The following MPHOSPH9 variants were observed in gnomAD, a reference collection of about 807,000 sequenced individuals.
MPHOSPH9 encodes M-phase phosphoprotein 9.
In MPHOSPH9, 88 loss-of-function variants were observed where a neutral mutation model predicts 145.5. The observed-to-expected ratio is 0.60, with a 90% confidence interval of 0.51 to 0.72. MPHOSPH9 has a LOEUF of 0.72. Ranked by LOEUF, MPHOSPH9 falls within the 30% of genes least tolerant of loss-of-function variation. The pLI is 0.00. For synonymous variants in MPHOSPH9, 435 were observed against 486.2 expected (o/e 0.89, Z 1.39); for missense variants, 1,238 against 1,386.6 (o/e 0.89, Z 1.70).
intron 13 of MPHOSPH9, among the ~76,000 whole-genome samples, chr12:123,187,254 CTG>C (rs1412772924): frequency 6.6e-6 from 1 of 151,688 alleles, no homozygotes; most frequent in Non-Finnish European, 1.5e-5. Context: ...AAGCGAAACT[CTG>C]TCTCAAAAAA....
At chr12:123,184,928 C>T (rs1013173419) in intron 13 of MPHOSPH9, among the ~76,000 whole-genome samples, 7 of 152,014 alleles carry the variant, frequency 4.6e-5, no homozygotes, top group Non-Finnish European at 1.0e-4. Context: ...TTCTGCCTCC[C>T]GAGTAGCTGG....
At chr12:123,193,131 AC>A (rs2045785740) in intron 13 of MPHOSPH9, among the ~76,000 whole-genome samples, 1 of 148,852 alleles carries the variant, frequency 6.7e-6, no homozygotes, top group South Asian at 2.1e-4. Context: ...ACACACACAC[AC>A]ACACACACAC....
At chr12:123,205,766 C>G (rs1432203376) in intron 8 of MPHOSPH9, among the ~76,000 whole-genome samples, 1 of 152,100 alleles carries the variant, frequency 6.6e-6, no homozygotes, top group Non-Finnish European at 1.5e-5. Flanking sequence ...ATGTTCTTGT[C>G]ATGTTAACAT....
At position 123,156,802 on chromosome 12, in the gene MPHOSPH9, A is replaced by G; in HGVS notation, c.*5T>C. Reference sequence around the variant, plus strand: ...AAATGTCTCAAAATTTAATGGCTACAAATCTCAAAGATTTGCAGAGGTGCG... The same window carrying G: ...AAATGTCTCAAAATTTAATGGCTACGAATCTCAAAGATTTGCAGAGGTGCG... On this transcript the variant is annotated 3_prime_UTR_variant, in exon 24 of 24. Transcript: ENST00000606320. 2 of 1,608,740 alleles carry G rather than the reference A, an allele frequency of 1.2e-6. No individual in the cohort carries two copies. Among genetic ancestry groups the G allele is most frequent in the Non-Finnish European group, 8.5e-7 (1 of 1,176,378 alleles).
intron 8 of MPHOSPH9, among the ~76,000 whole-genome samples, chr12:123,206,147 C>T (rs910523944): frequency 6.6e-6 from 1 of 151,946 alleles, no homozygotes; most frequent in Non-Finnish European, 1.5e-5. Context: ...AAACTAACAC[C>T]AAGGTGAAGA....
chr12:123,203,858 A>G (rs530438113), intron 8 of MPHOSPH9, among the ~76,000 whole-genome samples: 5 of 149,900 alleles, frequency 3.3e-5, no homozygotes, highest in Non-Finnish European at 5.9e-5. Context: ...TAATTTTTCT[A>G]TTTTTTTTTG....
chr12:123,174,401 C>G (rs1451924048), intron 16 of MPHOSPH9, among the ~76,000 whole-genome samples: 2 of 145,430 alleles, frequency 1.4e-5, no homozygotes, highest in Non-Finnish European at 3.0e-5. Flanking sequence ...GAGACGGAGT[C>G]TTGCTCAGTT....
intron 13 of MPHOSPH9, among the ~76,000 whole-genome samples, chr12:123,181,860 G>A (rs1179461683): frequency 6.6e-6 from 1 of 151,512 alleles, no homozygotes; most frequent in Non-Finnish European, 1.5e-5. Flanking sequence ...ACTCTAGCCT[G>A]GGCCACAGAG....
At chr12:123,195,183 T>C (rs1453355370) in intron 12 of MPHOSPH9, among the ~76,000 whole-genome samples, 1 of 152,160 alleles carries the variant, frequency 6.6e-6, no homozygotes, top group Non-Finnish European at 1.5e-5. Context: ...AAGGAAAAAA[T>C]AACCACTGCT....
Position 123,202,600 on chromosome 12 carries a change from C to T in MPHOSPH9, c.1781+24G>A, listed in dbSNP as rs553266330. On this transcript the variant is annotated intron_variant, in intron 10 of 23. Coordinates refer to ENST00000606320, the MANE Select transcript of MPHOSPH9 (RefSeq NM_022782.4). ...TATCACAGAAAATCTATTAACATTA[C>T]AAGCCATTCACTGAAATACATACTT... 8.2e-6 allele frequency: 13 copies of T among 1,577,394 alleles called. No homozygotes were observed. In the African/African-American group the frequency reaches 1.2e-4, roughly 15 times the overall value.
intron 14 of MPHOSPH9, among the ~76,000 whole-genome samples, chr12:123,180,907 CTT>C (rs1178593290): frequency 6.6e-6 from 1 of 152,192 alleles, no homozygotes; most frequent in Non-Finnish European, 1.5e-5. Context: ...ACCTTATACT[CTT>C]TTGAACAATT....
intron 8 of MPHOSPH9, among the ~76,000 whole-genome samples, chr12:123,209,067 G>A (rs1593196072): frequency 6.6e-6 from 1 of 152,118 alleles, no homozygotes; most frequent in East Asian, 1.9e-4. Flanking sequence ...TGAGCAGCTG[G>A]GATTACAAGT....
chr12:123,175,375 G>T (rs913310342), intron 16 of MPHOSPH9, among the ~76,000 whole-genome samples: 1 of 151,904 alleles, frequency 6.6e-6, no homozygotes, highest in Admixed American at 6.6e-5. Context: ...GGATGGTCTC[G>T]ATCTCCTGAC....
Position 123,210,906 on chromosome 12 carries a change from C to T in MPHOSPH9, c.1088-744G>A, listed in dbSNP as rs536613660. Among the ~76,000 whole-genome samples the T allele has an allele frequency of 4.0e-5, 6 of 150,914 alleles. No individual in the cohort carries two copies. In the East Asian group the frequency reaches 1.2e-3, roughly 30 times the overall value. On this transcript the variant is annotated intron_variant, in intron 7 of 23. Coordinates refer to ENST00000606320, the MANE Select transcript of MPHOSPH9 (RefSeq NM_022782.4). ...CTCCCGAGTTCAAGCAATTCTCCTGCCTCAGCCTCCTGAGTAGCTGGAATT... is the reference window on the plus strand; with the variant it reads ...CTCCCGAGTTCAAGCAATTCTCCTGTCTCAGCCTCCTGAGTAGCTGGAATT...
chr12:123,209,739 T>TC (rs1215402663), intron 8 of MPHOSPH9, among the ~76,000 whole-genome samples: 1 of 143,296 alleles, frequency 7.0e-6, no homozygotes, highest in East Asian at 2.0e-4. Context: ...GTTTTGTTGT[T>TC]TTTTTTTTTT....
rs1317813325 is a variant in MPHOSPH9, at chr12:123,241,136, GGGTT to G, written c.-159+2713_-159+2716del. Among the ~76,000 whole-genome samples the G allele has an allele frequency of 2.9e-4, 43 of 149,528 alleles. 1 individual carries two copies. In the South Asian group the frequency reaches 3.1e-3, roughly 11 times the overall value. ...CCTCCTACATCTAGGCTTTTATTTGGGGTTGTTTTTTTTTTGTTTTTGTTTTTTT... is the reference window on the plus strand; with the variant it reads ...CCTCCTACATCTAGGCTTTTATTTGGGTTTTTTTTTTGTTTTTGTTTTTTT... On this transcript the variant is annotated intron_variant, in intron 1 of 2. Transcript: ENST00000545406.
Position 123,181,678 on chromosome 12 carries a change from C to T in MPHOSPH9, c.2242-468G>A, listed in dbSNP as rs1294576630. On this transcript the variant is annotated intron_variant, in intron 13 of 23. Coordinates refer to ENST00000606320, the MANE Select transcript of MPHOSPH9 (RefSeq NM_022782.4). ...CTCAAGAGTTCAAGGCTACAGTGTG[C>T]TATGATCGTGCCACTGTACTCTAAC... is the stretch of plus-strand genomic sequence containing the variant. Among the ~76,000 whole-genome samples the T allele has an allele frequency of 2.0e-5, 3 of 151,972 alleles. No homozygotes were observed. In the East Asian group the frequency reaches 5.8e-4, roughly 29 times the overall value.
chr12:123,195,690 C>A (rs1270529983), intron 12 of MPHOSPH9, among the ~76,000 whole-genome samples: 1 of 152,004 alleles, frequency 6.6e-6, no homozygotes, highest in Non-Finnish European at 1.5e-5. Flanking sequence ...CACTAGGGTG[C>A]TAGAAATGTA....
In MPHOSPH9 at chr12:123,162,149, C is replaced by A. The variant is rs764703854; in HGVS notation, c.3099G>T (p.Lys1033Asn). ...CATCTAGAGGAAGAAACTGGAGTTG[C>A]TTTCTTGGATTGGTACGTTGTAATG... Reference protein sequence around the residue: ...VSTLQRTNPRKQLQFLPLDDS... With the variant: ...VSTLQRTNPRNQLQFLPLDDS... The change falls in exon 21 of 24, where the codon AAG becomes AAT. Residue 1033 changes from lysine to asparagine, a missense_variant. Physicochemically the swap from Lys to Asn is moderately conservative, Grantham distance 94. Around this residue, in one of 3 missense-constraint regions of MPHOSPH9, gnomAD observed 393 missense variants for 462.5 expected, o/e 0.85. Coordinates refer to ENST00000606320, the MANE Select transcript of MPHOSPH9 (RefSeq NM_022782.4). The A allele has an allele frequency of 6.3e-7, 1 of 1,586,028 alleles. No individual in the cohort carries two copies. The highest frequency in any genetic ancestry group is 1.7e-5 in the Admixed American group (1 of 58,154).
Sources: gnomAD v4.1 joint callset for allele counts (sites outside exome capture counted in the v4.1 genomes callset) on GRCh38, gnomAD v4.1.1 for gene constraint, gnomAD v4.1.1 regional missense constraint, MANE v1.5 for transcripts, NCBI Gene and HGNC (gene_info 2026-07-23, HGNC 2026-07-21) for gene names.